The following SCARA5 variants were observed in gnomAD, a reference collection of about 807,000 sequenced individuals.
The protein encoded by SCARA5 is scavenger receptor class A, member 5 (putative).
Under a neutral mutation model 46.3 loss-of-function variants are expected in SCARA5, and 45 were observed. That is an observed-to-expected ratio of 0.97 (90% CI 0.76 to 1.24). The LOEUF (loss-of-function observed/expected upper bound fraction) is 1.24, where lower values mean the gene tolerates loss of function less well. Ranked by LOEUF, SCARA5 falls within the 50% of genes most tolerant of loss-of-function variation. SCARA5 has a pLI of 0.00. For missense variants in SCARA5, 680 were observed against 689.0 expected (o/e 0.99, Z 0.15); for synonymous variants, 333 against 306.5 (o/e 1.09, Z -0.90).
chr8:27,916,362 C>A (rs938513017), intron 4 of SCARA5, among the ~76,000 whole-genome samples: 1 of 151,996 alleles, frequency 6.6e-6, no homozygotes, highest in African/African-American at 2.4e-5. Flanking sequence ...TATACATGTG[C>A]ATGTGTGTGT....
At chr8:27,944,118 G>A (rs1469670497) in intron 3 of SCARA5, among the ~76,000 whole-genome samples, 1 of 152,160 alleles carries the variant, frequency 6.6e-6, no homozygotes, top group East Asian at 1.9e-4. Flanking sequence ...TCTTTAAAAT[G>A]TCCATGTCAT....
chr8:27,946,582 G>T (rs1321143115), intron 3 of SCARA5, among the ~76,000 whole-genome samples: 1 of 152,216 alleles, frequency 6.6e-6, no homozygotes, highest in Non-Finnish European at 1.5e-5. Flanking sequence ...GCAGGCTGCG[G>T]TATTTTGTTA....
intron 3 of SCARA5, among the ~76,000 whole-genome samples, chr8:27,929,588 G>A (rs964258938): frequency 1.3e-5 from 2 of 152,160 alleles, no homozygotes; most frequent in African/African-American, 2.4e-5. Flanking sequence ...CTCATTTAAG[G>A]ATGAGAAAAG....
At position 27,871,504 on chromosome 8, in the gene SCARA5, A is replaced by G. The variant is rs937718246; in HGVS notation, c.*430T>C. 12 of 998,402 alleles carry G rather than the reference A, an allele frequency of 1.2e-5. No individual in the cohort carries two copies. In the African/African-American group the frequency reaches 2.1e-4, roughly 17 times the overall value. 61.8% of individuals were successfully genotyped at this position (998,402 alleles called of 1,614,324 possible). On this transcript the variant is annotated 3_prime_UTR_variant, in exon 9 of 9. Transcript: ENST00000354914. ...AGGAAGATGTAGAAACTCTTGGACT[A>G]ATGGAGGTTTGGGAATTGTCTGAAG...
intron 3 of SCARA5, among the ~76,000 whole-genome samples, chr8:27,963,040 C>G (rs1333859155): frequency 6.6e-6 from 1 of 152,200 alleles, no homozygotes; most frequent in East Asian, 1.9e-4. Flanking sequence ...ATGCTGCAGC[C>G]TCACCCCACA....
intron 3 of SCARA5, among the ~76,000 whole-genome samples, chr8:27,957,351 G>A (rs959513632): frequency 1.2e-4 from 18 of 152,228 alleles, no homozygotes; most frequent in Non-Finnish European, 2.2e-4. Flanking sequence ...AAACACCAAT[G>A]ATACATCCCA....
chr8:27,931,197 C>T (rs1807767096), intron 3 of SCARA5, among the ~76,000 whole-genome samples: 1 of 152,230 alleles, frequency 6.6e-6, no homozygotes, highest in Admixed American at 6.5e-5. Flanking sequence ...CCCTGGGATG[C>T]AGGAGAAAAC....
intron 2 of SCARA5, among the ~76,000 whole-genome samples, chr8:27,982,348 C>T (rs888078390): frequency 8.6e-6 from 1 of 116,214 alleles, no homozygotes; most frequent in Non-Finnish European, 1.7e-5. Flanking sequence ...GGCTGCATAT[C>T]GGGGAAACCA....
chr8:27,945,086 G>A (rs1808013345), intron 3 of SCARA5, among the ~76,000 whole-genome samples: 1 of 151,832 alleles, frequency 6.6e-6, no homozygotes, highest in Non-Finnish European at 1.5e-5. Context: ...GATCATCTGA[G>A]TTCAGGAAGA....
rs113182135 is a variant in SCARA5 at position 27,899,751 on chromosome 8, G to C, written c.1153+5027C>G. Among the ~76,000 whole-genome samples, 216 of 152,290 alleles carry C rather than the reference G, an allele frequency of 1.4e-3. 2 individuals are homozygous for C. Among genetic ancestry groups the C allele is most frequent in the African/African-American group, 5.1e-3 (211 of 41,560 alleles). On this transcript the variant is annotated intron_variant, in intron 7 of 8. Coordinates refer to ENST00000354914, the MANE Select transcript of SCARA5 (RefSeq NM_173833.6). ...CTTGCCATGCTGTACTATTTGGGAG[G>C]ATCAGACAACATTATGCTGTTTCAA...
chr8:27,988,375 G>A (rs1229286472), intron 1 of SCARA5, among the ~76,000 whole-genome samples: 1 of 152,222 alleles, frequency 6.6e-6, no homozygotes, highest in East Asian at 1.9e-4. Context: ...TGATGGTCCA[G>A]GAGCATATAC....
At position 27,937,520 on chromosome 8, in the gene SCARA5, C is replaced by A. The variant is rs116161817; in HGVS notation, c.242-15275G>T. Among the ~76,000 whole-genome samples, 1,050 of 152,182 alleles carry A rather than the reference C, an allele frequency of 6.9e-3. 13 individuals are homozygous for A. Among genetic ancestry groups the A allele is most frequent in the African/African-American group, 0.024 (977 of 41,438 alleles). On this transcript the variant is annotated intron_variant, in intron 3 of 8. Transcript: ENST00000354914. ...TTGCTTTTCCTCCTTCCTGATTTCACTCTCTCTAAGTCCCTGACTCCTGCT... is the reference window on the plus strand; with the variant it reads ...TTGCTTTTCCTCCTTCCTGATTTCAATCTCTCTAAGTCCCTGACTCCTGCT...
At chr8:27,971,490 C>T (rs1158738918) in intron 2 of SCARA5, among the ~76,000 whole-genome samples, 2 of 152,228 alleles carry the variant, frequency 1.3e-5, no homozygotes, top group African/African-American at 4.8e-5. Flanking sequence ...CCAGACAAAG[C>T]TGTTCATGAT....
intron 3 of SCARA5, among the ~76,000 whole-genome samples, chr8:27,954,632 A>T (rs1194630841): frequency 6.6e-6 from 1 of 152,204 alleles, no homozygotes; most frequent in Non-Finnish European, 1.5e-5. Context: ...GCTTTGAGTG[A>T]TTATGAAGAA....
At chr8:27,876,146 G>A (rs747154528) in intron 8 of SCARA5, among the ~76,000 whole-genome samples, 4 of 152,204 alleles carry the variant, frequency 2.6e-5, no homozygotes, top group African/African-American at 4.8e-5. Flanking sequence ...GTAGATAAGC[G>A]TGCACAACAG....
At chr8:27,991,861 G>GCA (rs370476859) in intron 1 of SCARA5, among the ~76,000 whole-genome samples, 12 of 144,866 alleles carry the variant, frequency 8.3e-5, no homozygotes, top group Admixed American at 4.7e-4. Flanking sequence ...ACACACACAT[G>GCA]CACACACACA....
At chr8:27,899,481 A>C (rs1362479130) in intron 7 of SCARA5, among the ~76,000 whole-genome samples, 1 of 152,256 alleles carries the variant, frequency 6.6e-6, no homozygotes, top group Admixed American at 6.5e-5. Context: ...GAGAAGGAGC[A>C]GGAGCAGAAG....
At chr8:27,976,081 T>G (rs1396376963) in intron 2 of SCARA5, among the ~76,000 whole-genome samples, 1 of 151,614 alleles carries the variant, frequency 6.6e-6, no homozygotes, top group Non-Finnish European at 1.5e-5. Flanking sequence ...TGCTTGTTTT[T>G]GGGAAGGGAT....
At chr8:27,919,871 C>G (rs2129808275) in intron 4 of SCARA5, among the ~76,000 whole-genome samples, 1 of 149,046 alleles carries the variant, frequency 6.7e-6, no homozygotes, top group African/African-American at 2.5e-5. Flanking sequence ...TGAGATACAA[C>G]TGGCACAGTA....
Sources: gnomAD v4.1 joint callset for allele counts (sites outside exome capture counted in the v4.1 genomes callset) on GRCh38, gnomAD v4.1.1 for gene constraint, MANE v1.5 for transcripts, NCBI Gene and HGNC (gene_info 2026-07-23, HGNC 2026-07-21) for gene names.